Variants in FASTKD2 observed in about 807,000 individuals in gnomAD.
The protein encoded by FASTKD2 is FAST kinase domain-containing protein 2, mitochondrial.
Under a neutral mutation model 63.6 loss-of-function variants are expected in FASTKD2, and 51 were observed. The ratio of observed to expected loss-of-function variants is 0.80; its 90% CI spans 0.64 to 1.01. The LOEUF (loss-of-function observed/expected upper bound fraction) is 1.01, where lower values mean the gene tolerates loss of function less well. Ranked by LOEUF, FASTKD2 falls within the 50% of genes least tolerant of loss-of-function variation. The pLI is 0.00. For synonymous variants in FASTKD2, 284 were observed against 293.4 expected, an observed-to-expected ratio of 0.97 and a Z score of 0.33; for missense variants, 786 against 831.1, an observed-to-expected ratio of 0.95 and a Z score of 0.67.
intron 8 of FASTKD2, 137 bp from the exon 9 acceptor site, chr2:206,787,800 A>T: frequency 2.6e-6 from 1 of 380,920 alleles, no homozygotes; most frequent in Non-Finnish European, 4.6e-6. Flanking sequence ...TTGTGATAAG[A>T]AAGAGATAAT....
intron 2 of FASTKD2, among the ~76,000 whole-genome samples, chr2:206,768,438 C>T (rs1689582838): frequency 6.6e-6 from 1 of 152,148 alleles, no homozygotes; most frequent in African/African-American, 2.4e-5. Flanking sequence ...TGGTGGCTCA[C>T]ACCTGTAATC....
At chr2:206,782,441 G>C (rs974277116) in intron 7 of FASTKD2, among the ~76,000 whole-genome samples, 3 of 152,156 alleles carry the variant, frequency 2.0e-5, no homozygotes, top group Admixed American at 6.5e-5. Flanking sequence ...TTCTAGTTCA[G>C]TTTTGACCTT....
intron 7 of FASTKD2, among the ~76,000 whole-genome samples, chr2:206,785,606 C>T (rs188142257): frequency 6.6e-6 from 1 of 152,274 alleles, no homozygotes; most frequent in African/African-American, 2.4e-5. Flanking sequence ...GATCATTACC[C>T]AGGCTCCCAA....
At position 206,792,989 on chromosome 2, in the gene FASTKD2, C is replaced by T. The variant is rs143712556; in HGVS notation, c.*1187C>T. ...CTTGTCATCCCAGCACTTGGGAGGC[C>T]GAGGTGGGCTGATCATGAGGTCAGG... On this transcript the variant is annotated 3_prime_UTR_variant, in exon 12 of 12. Transcript: ENST00000402774. 1.4e-4 allele frequency among the ~76,000 whole-genome samples: 22 copies of T among 152,104 alleles called. No individual in the cohort carries two copies. The highest frequency in any genetic ancestry group is 8.5e-4 in the Admixed American group (13 of 15,282).
chr2:206,777,303 T>C (rs1053605308), intron 7 of FASTKD2, among the ~76,000 whole-genome samples: 1 of 152,142 alleles, frequency 6.6e-6, no homozygotes, highest in Non-Finnish European at 1.5e-5. Context: ...TGATGTTAGC[T>C]ATGGCTTTTC....
chr2:206,778,685 C>T (rs972435298), intron 7 of FASTKD2, among the ~76,000 whole-genome samples: 1 of 151,822 alleles, frequency 6.6e-6, no homozygotes, highest in African/African-American at 2.4e-5. Flanking sequence ...GGGACCCCAG[C>T]CCCCAGGCCA....
At chr2:206,786,251 G>A (rs1254452766) in intron 7 of FASTKD2, among the ~76,000 whole-genome samples, 1 of 152,116 alleles carries the variant, frequency 6.6e-6, no homozygotes, top group Non-Finnish European at 1.5e-5. Context: ...GGTAGGATTA[G>A]GCTTGCAGTT....
At chr2:206,790,517 A>G (rs1259962481) in intron 10 of FASTKD2, 55 bp from the exon 11 acceptor site, 1 of 1,042,246 alleles carries the variant, frequency 9.6e-7, no homozygotes, top group Non-Finnish European at 1.5e-6. Context: ...AGAATGCAGC[A>G]AGACTAAATA....
intron 7 of FASTKD2, among the ~76,000 whole-genome samples, chr2:206,785,616 A>C (rs1559365400): frequency 6.6e-6 from 1 of 152,134 alleles, no homozygotes; most frequent in African/African-American, 2.4e-5. Flanking sequence ...CAGGCTCCCA[A>C]CTTCCTTGTC....
intron 7 of FASTKD2, among the ~76,000 whole-genome samples, chr2:206,785,937 A>G (rs745701033): frequency 8.5e-5 from 13 of 152,298 alleles, no homozygotes; most frequent in Admixed American, 5.2e-4. Context: ...GGCAAGTAGC[A>G]TGTGCTTTCA....
intron 8 of FASTKD2, among the ~76,000 whole-genome samples, chr2:206,787,297 TG>T (rs2105986481): frequency 6.6e-6 from 1 of 152,302 alleles, no homozygotes; most frequent in South Asian, 2.1e-4. Context: ...TGGTCACTCC[TG>T]GCCTGTGATG....
chr2:206,767,151 G>A lies in FASTKD2; in HGVS notation c.458G>A (p.Arg153His), dbSNP rs752946004. ...DVLTKETKPN[R>H]ISSRKLSEEC... ...CTTACCAAGGAAACAAAACCAAACC[G>A]TATCAGCAGTAGAAAACTGTCTGAG... Residue 153 changes from arginine (R) to histidine (H), a missense_variant, in exon 2 of 12, where the codon CGT becomes CAT. By Grantham distance (29) the Arg-to-His change is conservative. Transcript: ENST00000402774. The A allele has an allele frequency of 2.5e-5, 41 of 1,614,120 alleles. No homozygotes were observed. Among genetic ancestry groups the A allele is most frequent in the South Asian group, 1.6e-4 (15 of 91,076 alleles).
At chr2:206,770,828 G>A (rs1046817854) in intron 3 of FASTKD2, among the ~76,000 whole-genome samples, 4 of 152,006 alleles carry the variant, frequency 2.6e-5, no homozygotes, top group East Asian at 1.9e-4. Context: ...GAGGGTTGAC[G>A]TTGACCCAGC....
In FASTKD2 at chr2:206,788,014, A is replaced by C; in HGVS notation, c.1672A>C (p.Ile558Leu). The change falls in exon 9 of 12, where the codon ATA (isoleucine) becomes CTA (leucine). Residue 558 changes from isoleucine to leucine, a missense_variant. Physicochemically the swap from Ile to Leu is conservative, Grantham distance 5. Transcript: ENST00000402774. The part of the protein sequence containing the change: ...KLDDTVYLRD[I>L]ALSLPQLPRE... ...TGATGATACTGTCTATCTGAGGGAC[A>C]TAGCCTTGTCACTCCCACAGCTGCC... The C allele has an allele frequency of 6.2e-7, 1 of 1,613,800 alleles. No homozygotes were observed. The highest frequency in any genetic ancestry group is 2.2e-5 in the East Asian group (1 of 44,876).
At chr2:206,766,427 CA>C (rs1689474964) in intron 1 of FASTKD2, among the ~76,000 whole-genome samples, 1 of 152,076 alleles carries the variant, frequency 6.6e-6, no homozygotes, top group African/African-American at 2.4e-5. Context: ...CTCATTAATA[CA>C]ATGACTACTT....
rs1204974208 is a variant in FASTKD2, at chr2:206,788,875, G to T, written c.1870G>T (p.Asp624Tyr). 2.6e-5 allele frequency: 41 copies of T among 1,576,404 alleles called. No homozygotes were observed. The highest frequency in any genetic ancestry group is 3.6e-5 in the Non-Finnish European group (41 of 1,146,294). Residue 624 changes from aspartate to tyrosine, a missense_variant, in exon 10 of 12, where the codon GAT becomes TAT. Transcript: ENST00000402774. ...RNQVLPLSDV[D>Y]TTSATDIQRV... Reference sequence around the variant, plus strand: ...TCAAGTGCTACCACTTTCTGATGTGGATACAACTTCTGCTACAGATATTCA... The same window carrying T: ...TCAAGTGCTACCACTTTCTGATGTGTATACAACTTCTGCTACAGATATTCA...
chr2:206,785,566 A>G (rs1690117563), intron 7 of FASTKD2, among the ~76,000 whole-genome samples: 1 of 152,144 alleles, frequency 6.6e-6, no homozygotes. Flanking sequence ...GTACAGGGTG[A>G]GGAGTGGGGC....
At position 206,792,643 on chromosome 2, in the gene FASTKD2, G is replaced by A. The variant is rs1380263331; in HGVS notation, c.*841G>A. 1 of 152,174 alleles carries A rather than the reference G, an allele frequency of 6.6e-6. No homozygotes were observed. Among genetic ancestry groups the A allele is most frequent in the East Asian group, 1.9e-4 (1 of 5,194 alleles). The allele number at this position is 152,174 out of a possible 1,614,324, so 9.4% of individuals were successfully genotyped here. A position where few individuals can be genotyped will look rare whatever the true frequency, so the allele number is the denominator to read the frequency against. On this transcript the variant is annotated 3_prime_UTR_variant, in exon 12 of 12. Transcript: ENST00000402774. ...GGGGATATAGTGATGAATAGGCATGGTCTCTTGTGGAACTTACAGCATGGG... is the reference window on the plus strand; with the variant it reads ...GGGGATATAGTGATGAATAGGCATGATCTCTTGTGGAACTTACAGCATGGG...
chr2:206,787,836 A>G (rs1209099341), intron 8 of FASTKD2, 101 bp from the exon 9 acceptor site: 16 of 491,510 alleles, frequency 3.3e-5, no homozygotes, highest in Non-Finnish European at 5.2e-5. Flanking sequence ...ATTTATGTAT[A>G]TATTTATTAT....
Sources: allele counts gnomAD v4.1 joint callset (sites outside exome capture counted in the v4.1 genomes callset), GRCh38; gene constraint gnomAD v4.1.1; transcripts MANE v1.5; gene names NCBI Gene and HGNC (gene_info 2026-07-23, HGNC 2026-07-21).